Variants in ADAMTS3 observed in about 807,000 individuals in gnomAD.
ADAMTS3 encodes the protein A disintegrin and metalloproteinase with thrombospondin motifs 3.
ADAMTS3 carries 73 observed loss-of-function variants against 129.0 expected under a neutral mutation model. The observed-to-expected ratio is 0.57, with a 90% CI of 0.47 to 0.69. The LOEUF (loss-of-function observed/expected upper bound fraction) is 0.69. ADAMTS3 is among the 30% of genes least tolerant of loss of function. The pLI, the probability that ADAMTS3 is intolerant of heterozygous loss-of-function variation, is 0.00. For synonymous variants in ADAMTS3, 477 were observed against 510.8 expected (o/e 0.93, Z 0.89); for missense variants, 1,457 against 1,514.5 (o/e 0.96, Z 0.63).
chr4:72,568,750 A>G lies in ADAMTS3; in HGVS notation c.13T>C (p.Ser5Pro). The change falls in exon 1 of 22, where the codon TCA becomes CCA. Residue 5 changes from serine (S) to proline (P), a missense_variant. Ser to Pro is a moderately conservative substitution (Grantham distance 74). Coordinates refer to ENST00000286657, the MANE Select transcript of ADAMTS3 (RefSeq NM_014243.3). MVLL[S>P]LWLIAAALVE... is the part of the protein sequence containing the mutation. ...AGAGCGGCTGCTATCAACCAAAGTG[A>G]CAGGAGAACCATCACGAGTCGAGTT... 6.2e-7 allele frequency: 1 copy of G among 1,613,956 alleles called. No individual in the cohort carries two copies. The highest frequency in any genetic ancestry group is 8.5e-7 in the Non-Finnish European group (1 of 1,179,970).
At chr4:72,420,448 C>T (rs1722413555) in intron 3 of ADAMTS3, among the ~76,000 whole-genome samples, 1 of 152,162 alleles carries the variant, frequency 6.6e-6, no homozygotes, top group South Asian at 2.1e-4. Flanking sequence ...TGTTGCTTCT[C>T]AAAGAGCATA....
At chr4:72,292,064 T>C (rs1245041380) in intron 19 of ADAMTS3, among the ~76,000 whole-genome samples, 1 of 152,222 alleles carries the variant, frequency 6.6e-6, no homozygotes, top group Non-Finnish European at 1.5e-5. Flanking sequence ...ACCAACTCAC[T>C]CTCAGTTACA....
At chr4:72,530,061 G>T (rs560407954) in intron 3 of ADAMTS3, among the ~76,000 whole-genome samples, 204 of 2,102 alleles carry the variant, frequency 0.097, 87 homozygotes, top group African/African-American at 0.46. Flanking sequence ...TATATAATAT[G>T]TTATATATAA....
At chr4:72,478,184 T>C (rs1257725096) in intron 3 of ADAMTS3, among the ~76,000 whole-genome samples, 1 of 152,188 alleles carries the variant, frequency 6.6e-6, no homozygotes, top group Non-Finnish European at 1.5e-5. Flanking sequence ...CTTCTCTAAC[T>C]CATTTTATGA....
chr4:72,481,482 T>C (rs1252632037), intron 3 of ADAMTS3, among the ~76,000 whole-genome samples: 4 of 152,148 alleles, frequency 2.6e-5, no homozygotes, highest in Admixed American at 2.0e-4. Flanking sequence ...GCTAGAGCAA[T>C]TGACTCTCCA....
At chr4:72,391,702 A>G (rs1037318468) in intron 4 of ADAMTS3, among the ~76,000 whole-genome samples, 1 of 152,180 alleles carries the variant, frequency 6.6e-6, no homozygotes, top group African/African-American at 2.4e-5. Context: ...ACCTTCCTGA[A>G]AGGAAGCAGG....
At chr4:72,311,225 A>G in intron 13 of ADAMTS3, 44 bp from the exon 14 acceptor site, 2 of 1,561,584 alleles carry the variant, frequency 1.3e-6, no homozygotes, top group Non-Finnish European at 1.7e-6. Flanking sequence ...CATAAAATGG[A>G]ATGTTTGAAC....
At chr4:72,358,774 C>G (rs951093328) in intron 4 of ADAMTS3, among the ~76,000 whole-genome samples, 1 of 151,908 alleles carries the variant, frequency 6.6e-6, no homozygotes, top group Non-Finnish European at 1.5e-5. Flanking sequence ...TGATTCTTCA[C>G]CAGGTAAACT....
Position 72,401,374 on chromosome 4 carries a change from C to A in ADAMTS3, c.661+13441G>T, listed in dbSNP as rs1029546099. On this transcript the variant is annotated intron_variant, in intron 4 of 21. Transcript: ENST00000286657. ...CTGAGGTCTGGAGTTCAAGACCAGC[C>A]TGGCCAACACAGTGAAACCCCGTCT... Among the ~76,000 whole-genome samples, 4 of 151,542 alleles carry A rather than the reference C, an allele frequency of 2.6e-5. No individual in the cohort carries two copies. In the East Asian group the frequency reaches 5.9e-4, roughly 22 times the overall value.
At chr4:72,407,851 G>A (rs891510331) in intron 4 of ADAMTS3, among the ~76,000 whole-genome samples, 7 of 112,166 alleles carry the variant, frequency 6.2e-5, no homozygotes, top group African/African-American at 2.1e-4. Context: ...GGTGCTGAAA[G>A]TACAGGAATA....
intron 3 of ADAMTS3, among the ~76,000 whole-genome samples, chr4:72,542,136 C>G (rs375645040): frequency 1.5e-4 from 22 of 150,702 alleles, no homozygotes; most frequent in African/African-American, 5.2e-4. Flanking sequence ...AAGTACTAAA[C>G]AAATGTTAAC....
intron 3 of ADAMTS3, among the ~76,000 whole-genome samples, chr4:72,520,186 C>T (rs950280546): frequency 2.0e-5 from 3 of 152,194 alleles, no homozygotes; most frequent in African/African-American, 7.2e-5. Flanking sequence ...GCTGTCTAAT[C>T]GTTCCTCTGG....
intron 3 of ADAMTS3, among the ~76,000 whole-genome samples, chr4:72,430,464 T>C (rs1722670237): frequency 6.6e-6 from 1 of 151,974 alleles, no homozygotes; most frequent in Admixed American, 6.6e-5. Context: ...GACATGTGAA[T>C]GAAGAAGCCT....
rs953744121 is a variant in ADAMTS3 at position 72,291,886 on chromosome 4, A to G, written c.2724-824T>C. ...CCACCAACGGTGTAAAAGTTTTCCT[A>G]TTTCTCAAATAGGATGTGGCTGAAA... On this transcript the variant is annotated intron_variant, in intron 19 of 21. Transcript: ENST00000286657. Among the ~76,000 whole-genome samples the G allele has an allele frequency of 3.3e-5, 5 of 152,210 alleles. No individual in the cohort carries two copies. The East Asian group carries it at 7.7e-4, about 24-fold the overall frequency.
chr4:72,406,632 A>C (rs910957390), intron 4 of ADAMTS3, among the ~76,000 whole-genome samples: 1 of 152,178 alleles, frequency 6.6e-6, no homozygotes, highest in Non-Finnish European at 1.5e-5. Flanking sequence ...AGAAATGGGA[A>C]CGAATGATGC....
At chr4:72,317,779 G>C (rs1221819966) in intron 10 of ADAMTS3, among the ~76,000 whole-genome samples, 1 of 152,152 alleles carries the variant, frequency 6.6e-6, no homozygotes, top group African/African-American at 2.4e-5. Context: ...TGTAATCCCA[G>C]AACTTTGGGA....
intron 4 of ADAMTS3, 93 bp downstream of exon 4, chr4:72,414,722 A>G: frequency 1.0e-6 from 1 of 985,940 alleles, no homozygotes; most frequent in African/African-American, 1.7e-5. Flanking sequence ...ATACAAGAGA[A>G]CATGGCAATC....
intron 4 of ADAMTS3, among the ~76,000 whole-genome samples, chr4:72,371,504 T>C (rs1369295512): frequency 6.6e-6 from 1 of 151,680 alleles, no homozygotes; most frequent in Non-Finnish European, 1.5e-5. Flanking sequence ...CAATATTAGA[T>C]AAGCTACCCT....
intron 4 of ADAMTS3, among the ~76,000 whole-genome samples, chr4:72,346,167 T>TGGA: frequency 6.6e-6 from 1 of 152,280 alleles, no homozygotes; most frequent in East Asian, 1.9e-4. Flanking sequence ...GATTGTGTCT[T>TGGA]CCTGCATTAC....
Sources: gnomAD v4.1 joint callset for allele counts (sites outside exome capture counted in the v4.1 genomes callset) on GRCh38, gnomAD v4.1.1 for gene constraint, MANE v1.5 for transcripts, NCBI Gene and HGNC (gene_info 2026-07-23, HGNC 2026-07-21) for gene names.